ADAMTS3: variants seen among roughly 807,000 people sequenced by gnomAD.
ADAMTS3 encodes A disintegrin and metalloproteinase with thrombospondin motifs 3.
In ADAMTS3, 73 loss-of-function variants were observed where a neutral mutation model predicts 129.0. The observed-to-expected ratio is 0.57, with a 90% CI of 0.47 to 0.69. The LOEUF (loss-of-function observed/expected upper bound fraction) is 0.69. Among genes scored for constraint, ADAMTS3 ranks in the 30% least tolerant of loss-of-function variants. ADAMTS3 has a pLI of 0.00. For missense variants in ADAMTS3, 1,457 were observed against 1,514.5 expected, an observed-to-expected ratio of 0.96 and a Z score of 0.63; for synonymous variants, 477 against 510.8, an observed-to-expected ratio of 0.93 and a Z score of 0.89.
chr4:72,548,079 C>G (rs11940040), intron 3 of ADAMTS3, among the ~76,000 whole-genome samples: 3 of 151,946 alleles, frequency 2.0e-5, no homozygotes, highest in Non-Finnish European at 4.4e-5. Context: ...ACTTTCTTTA[C>G]GAGGATATCC....
At chr4:72,495,829 T>C (rs1362424724) in intron 3 of ADAMTS3, among the ~76,000 whole-genome samples, 7 of 152,290 alleles carry the variant, frequency 4.6e-5, no homozygotes, top group East Asian at 1.9e-4. Context: ...GGTTAAAAGA[T>C]AGAACCATAA....
chr4:72,365,289 T>G (rs1720841714), intron 4 of ADAMTS3, among the ~76,000 whole-genome samples: 1 of 152,224 alleles, frequency 6.6e-6, no homozygotes, highest in Non-Finnish European at 1.5e-5. Flanking sequence ...TCACTCAGAT[T>G]GAATTCCACT....
At chr4:72,443,688 G>A (rs1342018968) in intron 3 of ADAMTS3, among the ~76,000 whole-genome samples, 2 of 134,528 alleles carry the variant, frequency 1.5e-5, no homozygotes, top group African/African-American at 2.6e-5. Context: ...AAAAACGTTC[G>A]AATGGAAAAA....
chr4:72,420,484 C>T (rs1344126786), intron 3 of ADAMTS3, among the ~76,000 whole-genome samples: 2 of 152,142 alleles, frequency 1.3e-5, no homozygotes, highest in Non-Finnish European at 2.9e-5. Flanking sequence ...TGCTTCTCAA[C>T]CCAGCACCCC....
intron 4 of ADAMTS3, among the ~76,000 whole-genome samples, chr4:72,344,388 A>G (rs1720220413): frequency 6.6e-6 from 1 of 152,212 alleles, no homozygotes; most frequent in Non-Finnish European, 1.5e-5. Flanking sequence ...TTGGAAAGGT[A>G]CAAGTTCTGA....
chr4:72,394,980 A>G (rs1309761112), intron 4 of ADAMTS3, among the ~76,000 whole-genome samples: 1 of 151,164 alleles, frequency 6.6e-6, no homozygotes, highest in East Asian at 1.9e-4. Context: ...GGCTGAGTGC[A>G]GTGGCACGAT....
At chr4:72,437,888 C>T (rs897713505) in intron 3 of ADAMTS3, among the ~76,000 whole-genome samples, 4 of 151,602 alleles carry the variant, frequency 2.6e-5, no homozygotes, top group South Asian at 2.1e-4. Flanking sequence ...AAAAAATACA[C>T]GCAGTTTTGG....
At chr4:72,381,637 C>T (rs562620260) in intron 4 of ADAMTS3, among the ~76,000 whole-genome samples, 29 of 152,156 alleles carry the variant, frequency 1.9e-4, no homozygotes, top group African/African-American at 6.7e-4. Flanking sequence ...CTTGCAGATG[C>T]ATCTATAAGA....
chr4:72,283,278 C>A lies in ADAMTS3; in HGVS notation c.3476G>T (p.Ser1159Ile), dbSNP rs747438401. The A allele has an allele frequency of 3.1e-6, 5 of 1,613,982 alleles. No individual in the cohort carries two copies. Among genetic ancestry groups the A allele is most frequent in the Non-Finnish European group, 4.2e-6 (5 of 1,179,978 alleles). The change falls in exon 22 of 22, where the codon AGT becomes ATT. Residue 1159 changes from serine to isoleucine, a missense_variant. By Grantham distance (142) the Ser-to-Ile change is moderately radical (BLOSUM62 -2). Coordinates refer to ENST00000286657, the MANE Select transcript of ADAMTS3 (RefSeq NM_014243.3). Reference sequence around the variant, plus strand: ...AGCAGCAGCCATTTGTGAAGCTGAACTGAGGTGGACCCTCTTGGTGGGTGG... The same window carrying A: ...AGCAGCAGCCATTTGTGAAGCTGAAATGAGGTGGACCCTCTTGGTGGGTGG... ...SSPPTKRVHL[S>I]SASQMAAASF...
intron 3 of ADAMTS3, among the ~76,000 whole-genome samples, chr4:72,433,743 T>G (rs909424863): frequency 6.6e-6 from 1 of 151,886 alleles, no homozygotes; most frequent in Non-Finnish European, 1.5e-5. Context: ...ATATAAGTGA[T>G]TTTCCAAGCA....
At chr4:72,448,135 G>C (rs1375276215) in intron 3 of ADAMTS3, among the ~76,000 whole-genome samples, 1 of 151,644 alleles carries the variant, frequency 6.6e-6, no homozygotes, top group Non-Finnish European at 1.5e-5. Flanking sequence ...GCCAAACTAA[G>C]GCTCAGAGAG....
chr4:72,421,516 T>C (rs535984844), intron 3 of ADAMTS3, among the ~76,000 whole-genome samples: 1 of 152,100 alleles, frequency 6.6e-6, no homozygotes, highest in African/African-American at 2.4e-5. Flanking sequence ...AAAGGAATGA[T>C]GAGAGACATG....
intron 3 of ADAMTS3, among the ~76,000 whole-genome samples, chr4:72,537,710 T>G (rs1299401630): frequency 1.3e-5 from 2 of 152,070 alleles, no homozygotes; most frequent in Non-Finnish European, 2.9e-5. Context: ...GAAGCTCAAT[T>G]TAAAACCAAA....
chr4:72,408,364 G>T (rs1275649353), intron 4 of ADAMTS3, among the ~76,000 whole-genome samples: 1 of 151,532 alleles, frequency 6.6e-6, no homozygotes, highest in African/African-American at 2.4e-5. Context: ...AGACATAGGA[G>T]GTGCACACAC....
intron 18 of ADAMTS3, among the ~76,000 whole-genome samples, chr4:72,297,667 G>T (rs1718843396): frequency 6.6e-6 from 1 of 152,082 alleles, no homozygotes; most frequent in Admixed American, 6.6e-5. Flanking sequence ...GTGAGTGAGA[G>T]CATGTGTTCA....
chr4:72,475,068 T>A (rs1414856188), intron 3 of ADAMTS3, among the ~76,000 whole-genome samples: 4 of 150,224 alleles, frequency 2.7e-5, no homozygotes, highest in African/African-American at 9.8e-5. Flanking sequence ...GTTTGCATAA[T>A]CTTTAAAGGC....
chr4:72,319,623 T>C (rs1353265786), intron 8 of ADAMTS3, 148 bp from the exon 9 acceptor site: 2 of 1,012,270 alleles, frequency 2.0e-6, no homozygotes, highest in African/African-American at 3.3e-5. Flanking sequence ...TTGACAGCAA[T>C]CTGACAGAAA....
intron 4 of ADAMTS3, among the ~76,000 whole-genome samples, chr4:72,368,595 G>A (rs1720928288): frequency 6.6e-6 from 1 of 152,088 alleles, no homozygotes; most frequent in South Asian, 2.1e-4. Context: ...CTAATAAACT[G>A]AGAAAACAAA....
At chr4:72,302,319 A>G (rs1472257401) in intron 17 of ADAMTS3, among the ~76,000 whole-genome samples, 2 of 151,058 alleles carry the variant, frequency 1.3e-5, no homozygotes, top group Non-Finnish European at 2.9e-5. Context: ...AAAAAAAAGA[A>G]CCAAATGGAA....
Sources: gnomAD v4.1 joint callset for allele counts (sites outside exome capture counted in the v4.1 genomes callset) on GRCh38, gnomAD v4.1.1 for gene constraint, MANE v1.5 for transcripts, NCBI Gene and HGNC (gene_info 2026-07-23, HGNC 2026-07-21) for gene names.